DMD: variants seen among roughly 807,000 people sequenced by gnomAD.
DMD encodes mutant dystrophin.
A neutral mutation model predicts 330.1 loss-of-function variants in DMD; 63 were observed. The observed-to-expected ratio is 0.19, with a 90% CI of 0.16 to 0.24. DMD has a LOEUF of 0.24. DMD is among the 10% of genes least tolerant of loss of function. The pLI, the probability that DMD is intolerant of heterozygous loss-of-function variation, is 1.00. For missense variants in DMD, 3,344 were observed against 2,684.1 expected (o/e 1.25, Z -5.43); for synonymous variants, 1,223 against 959.8 (o/e 1.27, Z -5.07).
intron 2 of DMD, among the ~76,000 whole-genome samples, chrX:32,893,298 T>C (rs2085386207): frequency 8.9e-6 from 1 of 111,989 alleles, no homozygotes; most frequent in African/African-American, 3.2e-5. Flanking sequence ...TTTATCTCTG[T>C]TCAATGTAAC....
chrX:31,229,848 A>C (rs1446999403), intron 63 of DMD, among the ~76,000 whole-genome samples: 1 of 112,333 alleles, frequency 8.9e-6, no homozygotes, highest in African/African-American at 3.2e-5. Flanking sequence ...AAAGGATTCT[A>C]ATGGACTTTT....
At position 31,465,763 on chromosome X, in the gene DMD, TC is replaced by T. The variant is rs1034117981; in HGVS notation, c.8937+12342del. ...ATCAAATGGTACTTCTGGTTCTAGA[TC>T]CTTGAGGAATTGCCACACTGTCTTC... On this transcript the variant is annotated intron_variant, in intron 59 of 78. Transcript: ENST00000357033. Among the ~76,000 whole-genome samples, 3 of 111,839 alleles carry T rather than the reference TC, an allele frequency of 2.7e-5. No homozygotes were observed. In the Admixed American group the frequency reaches 2.8e-4, roughly 11 times the overall value.
chrX:32,591,894 C>T (rs755970300), intron 13 of DMD, among the ~76,000 whole-genome samples: 1 of 112,980 alleles, frequency 8.9e-6, no homozygotes, highest in Admixed American at 9.3e-5. Context: ...CGCACTGGCT[C>T]CTGGGAGAAG....
intron 1 of DMD, among the ~76,000 whole-genome samples, chrX:33,251,687 A>G (rs1051054281): frequency 4.5e-5 from 5 of 112,158 alleles, no homozygotes; most frequent in Admixed American, 3.8e-4. Context: ...GTTTTTTAAT[A>G]TAATGGTATA....
intron 1 of DMD, among the ~76,000 whole-genome samples, chrX:33,129,442 T>G (rs1239763043): frequency 9.6e-6 from 1 of 103,807 alleles, no homozygotes; most frequent in East Asian, 3.1e-4. Flanking sequence ...AGTGTCATTA[T>G]CATTGCCACT....
At chrX:32,628,886 T>C (rs1204114369) in intron 11 of DMD, among the ~76,000 whole-genome samples, 1 of 112,191 alleles carries the variant, frequency 8.9e-6, no homozygotes, top group Non-Finnish European at 1.9e-5. Flanking sequence ...AGCTAATTTA[T>C]GTTATTTTGA....
rs148104317 is a variant in DMD, at chrX:32,482,719, T to A, written c.2803+2200A>T. On this transcript the variant is annotated intron_variant, in intron 21 of 78. Transcript: ENST00000357033. ...GTTGTAATAACAAATACTCAATGTGTTTCTCTCTGAGGGTTAGGTAAAATG... is the reference window on the plus strand; with the variant it reads ...GTTGTAATAACAAATACTCAATGTGATTCTCTCTGAGGGTTAGGTAAAATG... 6.6e-3 allele frequency among the ~76,000 whole-genome samples: 737 copies of A among 111,825 alleles called. 3 individuals are homozygous for A. The highest frequency in any genetic ancestry group is 0.022 in the African/African-American group (687 of 30,948).
At chrX:32,427,376 A>G (rs972677637) in intron 29 of DMD, among the ~76,000 whole-genome samples, 5 of 111,167 alleles carry the variant, frequency 4.5e-5, no homozygotes, top group Non-Finnish European at 9.4e-5. Flanking sequence ...TAAGGGCAAA[A>G]GTCTGTGCCA....
intron 2 of DMD, among the ~76,000 whole-genome samples, chrX:32,904,327 G>C (rs781589615): frequency 1.8e-5 from 2 of 111,621 alleles, no homozygotes; most frequent in South Asian, 3.8e-4. Context: ...CCCCTTTCAA[G>C]TCATGTCTCC....
chrX:31,613,604 CAA>C (rs1445952242), intron 55 of DMD, among the ~76,000 whole-genome samples: 1 of 111,524 alleles, frequency 9.0e-6, no homozygotes, highest in African/African-American at 3.3e-5. Flanking sequence ...TGTTATGTAG[CAA>C]AAGTTAACTA....
chrX:33,094,993 T>G (rs1171774978), intron 1 of DMD, among the ~76,000 whole-genome samples: 1 of 111,427 alleles, frequency 9.0e-6, no homozygotes, highest in Non-Finnish European at 1.9e-5. Context: ...AAAAACAAAT[T>G]TGGTTTTAAA....
At position 31,990,772 on chromosome X, in the gene DMD, T is replaced by C. The variant is rs192106381; in HGVS notation, c.6439-22258A>G. 2.1e-3 allele frequency among the ~76,000 whole-genome samples: 232 copies of C among 112,313 alleles called. 1 individual carries two copies. Among genetic ancestry groups the C allele is most frequent in the Non-Finnish European group, 3.7e-3 (197 of 53,257 alleles). On this transcript the variant is annotated intron_variant, in intron 44 of 78. Transcript: ENST00000357033. ...TACACATCCTACCACGTGTAAAGTA[T>C]GCTACTAAATCTGAATTAAAATAAA...
At chrX:31,846,902 T>C (rs1468914142) in intron 48 of DMD, among the ~76,000 whole-genome samples, 2 of 111,911 alleles carry the variant, frequency 1.8e-5, no homozygotes, top group Admixed American at 9.5e-5. Context: ...ATAAAATTGT[T>C]ATTGGCGAAT....
At chrX:32,278,282 G>A (rs1371414065) in intron 43 of DMD, among the ~76,000 whole-genome samples, 2 of 111,176 alleles carry the variant, frequency 1.8e-5, no homozygotes, top group Admixed American at 9.6e-5. Flanking sequence ...AAACCTGAAC[G>A]GACCAGTAAC....
rs139762868 is a variant in DMD at position 31,477,772 on chromosome X, T to C, written c.8937+334A>G. On this transcript the variant is annotated intron_variant, in intron 59 of 78. Coordinates refer to ENST00000357033, the MANE Select transcript of DMD (RefSeq NM_004006.3). Reference sequence around the variant, plus strand: ...GTTTTATTTTTCTGTATTCTGATACTAAGTAACACAAGCAATACACCAATA... The same window carrying C: ...GTTTTATTTTTCTGTATTCTGATACCAAGTAACACAAGCAATACACCAATA... Among the ~76,000 whole-genome samples, 826 of 95,603 alleles carry C rather than the reference T, an allele frequency of 8.6e-3. 13 individuals carry two copies. The highest frequency in any genetic ancestry group is 0.03 in the African/African-American group (783 of 25,798). 83.0% of individuals were successfully genotyped at this position (95,603 alleles called of 115,157 possible). A position where few individuals can be genotyped will look rare whatever the true frequency, so the allele number is the denominator to read the frequency against.
chrX:32,214,571 C>T (rs1161241787), intron 44 of DMD, among the ~76,000 whole-genome samples: 1 of 111,722 alleles, frequency 9.0e-6, no homozygotes, highest in Non-Finnish European at 1.9e-5. Context: ...AGTAATACCA[C>T]CTGTTCCCAC....
intron 29 of DMD, chrX:32,412,204 A>C: frequency 9.4e-7 from 1 of 1,062,686 alleles, no homozygotes; most frequent in Non-Finnish European, 1.2e-6. Context: ...AAATCATCTC[A>C]GTCATTGCAA....
At chrX:33,310,431 A>G (rs2053832466) in intron 1 of DMD, among the ~76,000 whole-genome samples, 1 of 111,565 alleles carries the variant, frequency 9.0e-6, no homozygotes, top group Non-Finnish European at 1.9e-5. Flanking sequence ...TCTCTTATCA[A>G]GAGATTCTGC....
intron 2 of DMD, among the ~76,000 whole-genome samples, chrX:32,937,891 T>G (rs1011211264): frequency 2.7e-5 from 3 of 111,192 alleles, no homozygotes; most frequent in African/African-American, 9.8e-5. Flanking sequence ...TTGGGGATGA[T>G]GTCAATTATT....
Sources: allele counts gnomAD v4.1 joint callset (sites outside exome capture counted in the v4.1 genomes callset), GRCh38; gene constraint gnomAD v4.1.1; transcripts MANE v1.5; gene names NCBI Gene and HGNC (gene_info 2026-07-23, HGNC 2026-07-21).